The following LRRTM4 variants were observed in gnomAD, a reference collection of about 807,000 sequenced individuals.
LRRTM4 encodes leucine-rich repeat transmembrane neuronal protein 4.
Under a neutral mutation model 47.6 loss-of-function variants are expected in LRRTM4, and 25 were observed. That is an observed-to-expected ratio of 0.53 (90% CI 0.38 to 0.73). The LOEUF is 0.73. LRRTM4 is among the 30% of genes least tolerant of loss of function. The pLI, the probability that LRRTM4 is intolerant of heterozygous loss-of-function variation, is 0.00. For missense variants in LRRTM4, 638 were observed against 713.4 expected, an observed-to-expected ratio of 0.89 and a Z score of 1.20; for synonymous variants, 311 against 269.5, an observed-to-expected ratio of 1.15 and a Z score of -1.51.
chr2:76,829,472 T>C lies in LRRTM4; in HGVS notation c.1552-80556A>G, dbSNP rs781313677. On this transcript the variant is annotated intron_variant, in intron 3 of 3. Transcript: ENST00000409884. ...ATTTCATGGAGAAGCTGCTTACTTA[T>C]GACCCCAGAGCTCTTATAATCTGCA... Among the ~76,000 whole-genome samples the C allele has an allele frequency of 3.9e-5, 6 of 152,106 alleles. No individual in the cohort carries two copies. The East Asian group carries it at 1.2e-3, about 29-fold the overall frequency.
At chr2:77,005,119 G>C (rs1313761285) in intron 3 of LRRTM4, among the ~76,000 whole-genome samples, 1 of 151,840 alleles carries the variant, frequency 6.6e-6, no homozygotes, top group Non-Finnish European at 1.5e-5. Context: ...GACTTTGGGG[G>C]ACTGTTGGAA....
intron 3 of LRRTM4, among the ~76,000 whole-genome samples, chr2:76,765,011 C>T (rs1211102689): frequency 6.6e-6 from 1 of 152,112 alleles, no homozygotes; most frequent in Admixed American, 6.5e-5. Context: ...GAGTCACCAC[C>T]CAAGTTGGTC....
intron 3 of LRRTM4, among the ~76,000 whole-genome samples, chr2:76,903,519 G>T (rs1338246094): frequency 6.6e-6 from 1 of 151,996 alleles, no homozygotes; most frequent in Non-Finnish European, 1.5e-5. Context: ...CTGGGCCACA[G>T]AGCAAGATTC....
chr2:77,193,736 C>CA (rs1231592924), intron 3 of LRRTM4, among the ~76,000 whole-genome samples: 3 of 152,066 alleles, frequency 2.0e-5, no homozygotes, highest in Admixed American at 6.6e-5. Context: ...AGGAGGCGGG[C>CA]ATTGCACTCC....
chr2:76,807,386 A>G (rs1438062438), intron 3 of LRRTM4, among the ~76,000 whole-genome samples: 1 of 126,486 alleles, frequency 7.9e-6, no homozygotes, highest in African/African-American at 3.6e-5. Context: ...TTCATTTTAT[A>G]TATATATATA....
intron 3 of LRRTM4, among the ~76,000 whole-genome samples, chr2:77,497,108 T>C (rs1374838823): frequency 1.3e-5 from 2 of 151,866 alleles, no homozygotes; most frequent in Middle Eastern, 3.4e-3. Context: ...ATTCTCTTAC[T>C]ATGCTTTTAA....
chr2:76,974,849 A>T (rs1676364748), intron 3 of LRRTM4, among the ~76,000 whole-genome samples: 1 of 151,568 alleles, frequency 6.6e-6, no homozygotes, highest in African/African-American at 2.4e-5. Context: ...TCTTTTTTTT[A>T]ATTGGAGGAA....
intron 3 of LRRTM4, among the ~76,000 whole-genome samples, chr2:77,257,897 C>G (rs1475141366): frequency 6.6e-6 from 1 of 151,894 alleles, no homozygotes; most frequent in Non-Finnish European, 1.5e-5. Flanking sequence ...GAGTTCGAGA[C>G]CAGCCTGACC....
intron 3 of LRRTM4, among the ~76,000 whole-genome samples, chr2:77,423,511 G>A (rs10182910): frequency 0.35 from 53,698 of 151,850 alleles, 9,609 homozygotes; most frequent in African/African-American, 0.37. Flanking sequence ...TTCAGGGCTA[G>A]TAGCATGGCA....
At chr2:77,502,548 T>C (rs941720902) in intron 3 of LRRTM4, among the ~76,000 whole-genome samples, 2 of 151,616 alleles carry the variant, frequency 1.3e-5, no homozygotes, top group Non-Finnish European at 3.0e-5. Flanking sequence ...TTTTAAAAAG[T>C]AAAATTTGGG....
intron 3 of LRRTM4, among the ~76,000 whole-genome samples, chr2:77,008,786 G>A (rs1573444882): frequency 6.6e-6 from 1 of 152,042 alleles, no homozygotes; most frequent in East Asian, 1.9e-4. Context: ...TTCTAGGCCT[G>A]AAGGCATGAC....
intron 3 of LRRTM4, among the ~76,000 whole-genome samples, chr2:76,903,529 C>A (rs1287983277): frequency 2.7e-5 from 4 of 149,700 alleles, no homozygotes; most frequent in Non-Finnish European, 6.0e-5. Flanking sequence ...GAGCAAGATT[C>A]TGTCTCAAAA....
intron 3 of LRRTM4, among the ~76,000 whole-genome samples, chr2:77,340,164 G>T (rs1050225060): frequency 1.3e-5 from 2 of 151,848 alleles, no homozygotes; most frequent in Non-Finnish European, 1.5e-5. Flanking sequence ...ATATGCATCT[G>T]TTTGGTATCA....
chr2:76,931,107 C>G (rs952467403), intron 3 of LRRTM4, among the ~76,000 whole-genome samples: 1 of 150,806 alleles, frequency 6.6e-6, no homozygotes, highest in Non-Finnish European at 1.5e-5. Flanking sequence ...GATTATGGAA[C>G]AAAAGCAATG....
intron 3 of LRRTM4, among the ~76,000 whole-genome samples, chr2:76,989,439 G>A (rs1676924721): frequency 6.6e-6 from 1 of 151,798 alleles, no homozygotes; most frequent in South Asian, 2.1e-4. Context: ...TTTTGAATCT[G>A]CAACTGTATA....
chr2:77,120,238 A>G (rs1671491451), intron 3 of LRRTM4, among the ~76,000 whole-genome samples: 1 of 151,864 alleles, frequency 6.6e-6, no homozygotes, highest in South Asian at 2.1e-4. Flanking sequence ...GCGGGAATAC[A>G]TGGGGAACCA....
At chr2:77,353,175 T>C (rs1370052296) in intron 3 of LRRTM4, among the ~76,000 whole-genome samples, 1 of 152,168 alleles carries the variant, frequency 6.6e-6, no homozygotes, top group Non-Finnish European at 1.5e-5. Flanking sequence ...AACAAAAGTA[T>C]AATCAAGATA....
intron 3 of LRRTM4, among the ~76,000 whole-genome samples, chr2:76,750,366 G>A (rs546704696): frequency 1.3e-5 from 2 of 152,260 alleles, no homozygotes; most frequent in East Asian, 3.9e-4. Flanking sequence ...CGTTCCCTCA[G>A]CCCTGTAAGT....
At chr2:76,851,813 A>G (rs965018464) in intron 3 of LRRTM4, among the ~76,000 whole-genome samples, 1 of 148,452 alleles carries the variant, frequency 6.7e-6, no homozygotes, top group African/African-American at 2.5e-5. Context: ...CCTGTTCCCA[A>G]AGTGGCACTC....
Sources: allele counts gnomAD v4.1 joint callset (sites outside exome capture counted in the v4.1 genomes callset), GRCh38; gene constraint gnomAD v4.1.1; transcripts MANE v1.5; gene names NCBI Gene and HGNC (gene_info 2026-07-23, HGNC 2026-07-21).